ZYG11B: variants seen among roughly 807,000 people sequenced by gnomAD.
ZYG11B encodes protein zyg-11 homolog B.
A neutral mutation model predicts 82.4 loss-of-function variants in ZYG11B; 36 were observed. That is an observed-to-expected ratio of 0.44 (90% CI 0.33 to 0.58). The LOEUF is 0.58. ZYG11B is among the 20% of genes least tolerant of loss of function. The pLI, the probability that ZYG11B is intolerant of heterozygous loss-of-function variation, is 0.02. For synonymous variants in ZYG11B, 303 were observed against 312.8 expected (o/e 0.97, Z 0.33); for missense variants, 552 against 895.6 (o/e 0.62, Z 4.90).
At chr1:52,760,407 G>A (rs1339409429) in intron 2 of ZYG11B, among the ~76,000 whole-genome samples, 1 of 152,048 alleles carries the variant, frequency 6.6e-6, no homozygotes, top group African/African-American at 2.4e-5. Context: ...TTGCACCATT[G>A]TACTCCAGCC....
chr1:52,782,525 A>G (rs1644865268), intron 4 of ZYG11B, among the ~76,000 whole-genome samples: 1 of 152,010 alleles, frequency 6.6e-6, no homozygotes, highest in African/African-American at 2.4e-5. Context: ...AATGGCTGGG[A>G]GTATAGGTGT....
intron 2 of ZYG11B, among the ~76,000 whole-genome samples, chr1:52,765,677 T>C (rs1644677080): frequency 6.6e-6 from 1 of 152,030 alleles, no homozygotes; most frequent in African/African-American, 2.4e-5. Context: ...AATTAAAATT[T>C]TTTGTTGTTG....
rs777092942 is a variant in ZYG11B at position 52,756,523 on chromosome 1, G to T, written c.96G>T (p.Lys32Asn). Residue 32 changes from lysine (K) to asparagine (N), a missense_variant, in exon 2 of 14, where the codon AAG becomes AAT. This residue lies in a region of ZYG11B where 359 missense variants were observed against 555.8 expected (regional missense o/e 0.65). Coordinates refer to ENST00000294353, the MANE Select transcript of ZYG11B (RefSeq NM_024646.3). Reference sequence around the variant, plus strand: ...ATTTCTTGACTACTCACCTTGAGAAGTTCTGTTCAGCCAGACAAGATGGAA... The same window carrying T: ...ATTTCTTGACTACTCACCTTGAGAATTTCTGTTCAGCCAGACAAGATGGAA... ...CLNFLTTHLEKFCSARQDGTL... is the reference protein window; with the variant it reads ...CLNFLTTHLENFCSARQDGTL... The T allele has an allele frequency of 6.2e-7, 1 of 1,614,086 alleles. No homozygotes were observed. The highest frequency in any genetic ancestry group is 8.5e-7 in the Non-Finnish European group (1 of 1,180,014).
chr1:52,826,146 G>A lies in ZYG11B; in HGVS notation c.*4517G>A, dbSNP rs1339829454. On this transcript the variant is annotated 3_prime_UTR_variant, in exon 14 of 14. Transcript: ENST00000294353. ...AAACTGAAGGCATAAGTTAAAGGAA[G>A]TATGTTACTTTGAGCTGATGTAGGC... The A allele has an allele frequency of 6.6e-6, 1 of 152,206 alleles. No homozygotes were observed. The highest frequency in any genetic ancestry group is 1.5e-5 in the Non-Finnish European group (1 of 68,036). The allele number at this position is 152,206 out of a possible 1,614,324, so 9.4% of individuals were successfully genotyped here. A position where few individuals can be genotyped will look rare whatever the true frequency, so the allele number is the denominator to read the frequency against.
intron 10 of ZYG11B, among the ~76,000 whole-genome samples, chr1:52,808,329 A>G (rs887303597): frequency 1.3e-5 from 2 of 152,120 alleles, no homozygotes; most frequent in Non-Finnish European, 2.9e-5. Flanking sequence ...ACGCCATTGC[A>G]CTCCAGCCTG....
chr1:52,751,958 A>G (rs992731368), intron 1 of ZYG11B, among the ~76,000 whole-genome samples: 2 of 150,806 alleles, frequency 1.3e-5, no homozygotes, highest in African/African-American at 4.9e-5. Flanking sequence ...CTGTGACCAG[A>G]TGTGTGGTTT....
Position 52,764,566 on chromosome 1 carries a change from A to C in ZYG11B, c.197-6454A>C, listed in dbSNP as rs143364616. Reference sequence around the variant, plus strand: ...GCAAGTCTAAGATTCCTCATCTGTAAAGTGTTGATAATTATAACTCCCTCA... The same window carrying C: ...GCAAGTCTAAGATTCCTCATCTGTACAGTGTTGATAATTATAACTCCCTCA... On this transcript the variant is annotated intron_variant, in intron 2 of 13. Coordinates refer to ENST00000294353, the MANE Select transcript of ZYG11B (RefSeq NM_024646.3). Among the ~76,000 whole-genome samples the C allele has an allele frequency of 3.4e-3, 518 of 152,200 alleles. 3 individuals are homozygous for C. Among genetic ancestry groups the C allele is most frequent in the African/African-American group, 0.012 (503 of 41,544 alleles).
intron 2 of ZYG11B, among the ~76,000 whole-genome samples, chr1:52,767,006 C>A (rs1471328601): frequency 2.5e-4 from 34 of 138,362 alleles, no homozygotes; most frequent in Admixed American, 3.6e-4. Flanking sequence ...GACTCCGTCT[C>A]AAAAAAAAAA....
At chr1:52,756,383 G>A in intron 1 of ZYG11B, 75 bp from the exon 2 acceptor site, 1 of 1,431,386 alleles carries the variant, frequency 7.0e-7, no homozygotes, top group Non-Finnish European at 9.7e-7. Flanking sequence ...GTAAATGAAT[G>A]TTTTGTTCTC....
chr1:52,735,271 C>T lies in ZYG11B; in HGVS notation c.30+8588C>T, dbSNP rs539251620. Among the ~76,000 whole-genome samples, 596 of 151,838 alleles carry T rather than the reference C, an allele frequency of 3.9e-3. 4 individuals carry two copies. The highest frequency in any genetic ancestry group is 0.014 in the African/African-American group (574 of 41,404). ...ATCGAACTCCCAACCTCTGGTGATCCGCCTGCCTCGGCCTCCCAGAGTGCT... is the reference window on the plus strand; with the variant it reads ...ATCGAACTCCCAACCTCTGGTGATCTGCCTGCCTCGGCCTCCCAGAGTGCT... On this transcript the variant is annotated intron_variant, in intron 1 of 13. Transcript: ENST00000294353.
chr1:52,807,129 A>G (rs1645147705), intron 10 of ZYG11B, among the ~76,000 whole-genome samples: 1 of 151,764 alleles, frequency 6.6e-6, no homozygotes. Flanking sequence ...AGCCTCCCAA[A>G]GTGCTGGGAT....
chr1:52,796,826 T>C lies in ZYG11B; in HGVS notation c.1485+42T>C, dbSNP rs200243466. The stretch of plus-strand genomic sequence containing the variant: ...CTCCATTCAGGCCACTAGATATTCA[T>C]GTTTATTGTTTTCAGGCAGTATTGT... On this transcript the variant is annotated intron_variant, in intron 8 of 13. Coordinates refer to ENST00000294353, the MANE Select transcript of ZYG11B (RefSeq NM_024646.3). 9 of 1,284,004 alleles carry C rather than the reference T, an allele frequency of 7.0e-6. No individual in the cohort carries two copies. The African/African-American group carries it at 1.5e-4, about 22-fold the overall frequency. 79.5% of individuals were successfully genotyped at this position (1,284,004 alleles called of 1,614,324 possible). A position where few individuals can be genotyped will look rare whatever the true frequency, so the allele number is the denominator to read the frequency against.
chr1:52,807,466 G>A lies in ZYG11B; in HGVS notation c.1695+5327G>A, dbSNP rs573091034. Among the ~76,000 whole-genome samples the A allele has an allele frequency of 3.6e-4, 53 of 148,312 alleles. No homozygotes were observed. In the South Asian group the frequency reaches 6.4e-3, roughly 18 times the overall value. ...CTATAATCCCTAAATTAATAATAATGTATAGTTCAGAATTGCTAAGAGTAC... is the reference window on the plus strand; with the variant it reads ...CTATAATCCCTAAATTAATAATAATATATAGTTCAGAATTGCTAAGAGTAC... On this transcript the variant is annotated intron_variant, in intron 10 of 13. Transcript: ENST00000294353.
rs1185526820 is a variant in ZYG11B, at chr1:52,826,862, G to C, written c.*5233G>C. 2 of 152,108 alleles carry C rather than the reference G, an allele frequency of 1.3e-5. No individual in the cohort carries two copies. The highest frequency in any genetic ancestry group is 2.4e-5 in the African/African-American group (1 of 41,420). 9.4% of individuals were successfully genotyped at this position (152,108 alleles called of 1,614,324 possible). A position where few individuals can be genotyped will look rare whatever the true frequency, so the allele number is the denominator to read the frequency against. The stretch of plus-strand genomic sequence containing the variant: ...TATTTTGGGAAAAACTGTTCAAATT[G>C]GGTCCTTTTAAGCTTATTTTAAGCA... On this transcript the variant is annotated 3_prime_UTR_variant, in exon 14 of 14. Coordinates refer to ENST00000294353, the MANE Select transcript of ZYG11B (RefSeq NM_024646.3).
intron 1 of ZYG11B, among the ~76,000 whole-genome samples, chr1:52,738,024 C>T (rs1215639775): frequency 6.6e-6 from 1 of 152,166 alleles, no homozygotes; most frequent in African/African-American, 2.4e-5. Context: ...AGAAGACAGC[C>T]TCCTGATTTT....
intron 1 of ZYG11B, among the ~76,000 whole-genome samples, chr1:52,742,592 C>T (rs1644439627): frequency 2.6e-5 from 4 of 152,060 alleles, no homozygotes; most frequent in Admixed American, 2.6e-4. Flanking sequence ...CCTGTAATCC[C>T]AGCACTTTCG....
At chr1:52,744,548 ATTTCTAGAGAAGGGC>A (rs1390820018) in intron 1 of ZYG11B, among the ~76,000 whole-genome samples, 2 of 152,200 alleles carry the variant, frequency 1.3e-5, no homozygotes, top group Non-Finnish European at 2.9e-5. Context: ...TAACTACGAT[ATTTCTAGAGAAGGGC>A]TGGGTACGCT....
chr1:52,813,974 C>T, intron 12 of ZYG11B, 62 bp downstream of exon 12: 2 of 1,506,050 alleles, frequency 1.3e-6, no homozygotes, highest in Non-Finnish European at 1.8e-6. Flanking sequence ...TCCTAAGAGT[C>T]ATTCCTACTA....
intron 1 of ZYG11B, among the ~76,000 whole-genome samples, chr1:52,729,713 G>T (rs1280382086): frequency 1.3e-5 from 2 of 152,132 alleles, no homozygotes; most frequent in Non-Finnish European, 2.9e-5. Flanking sequence ...GGTGGCACAT[G>T]CCTGTAATCC....
Sources: allele counts gnomAD v4.1 joint callset (sites outside exome capture counted in the v4.1 genomes callset), GRCh38; gene constraint gnomAD v4.1.1; regional missense constraint gnomAD v4.1.1; transcripts MANE v1.5; gene names NCBI Gene and HGNC (gene_info 2026-07-23, HGNC 2026-07-21).